Variants in SLIT3 observed in about 807,000 individuals in gnomAD.
The protein encoded by SLIT3 is slit homolog 3 protein.
A neutral mutation model predicts 184.0 loss-of-function variants in SLIT3; 68 were observed. The ratio of observed to expected loss-of-function variants is 0.37; its 90% CI spans 0.30 to 0.45. The LOEUF (loss-of-function observed/expected upper bound fraction) is 0.45, where lower values mean the gene tolerates loss of function less well. Ranked by LOEUF, SLIT3 falls within the 20% of genes least tolerant of loss-of-function variation. The pLI is 1.00. For missense variants in SLIT3, 1,707 were observed against 2,026.0 expected (o/e 0.84, Z 3.02); for synonymous variants, 831 against 828.6 (o/e 1.00, Z -0.05).
chr5:169,008,639 G>GTTTTTGTTGT (rs1467948052), intron 4 of SLIT3, among the ~76,000 whole-genome samples: 1 of 151,970 alleles, frequency 6.6e-6, no homozygotes, highest in African/African-American at 2.4e-5. Flanking sequence ...CTGTTTTGTT[G>GTTTTTGTTGT]TTGCTGCTGC....
chr5:168,963,813 G>T (rs1368904499), intron 4 of SLIT3, among the ~76,000 whole-genome samples: 4 of 152,096 alleles, frequency 2.6e-5, no homozygotes, highest in African/African-American at 9.7e-5. Flanking sequence ...CTCTTTTGTT[G>T]GCTTTATATA....
intron 4 of SLIT3, among the ~76,000 whole-genome samples, chr5:169,142,049 C>CA (rs1200908102): frequency 2.2e-4 from 23 of 106,652 alleles, no homozygotes; most frequent in South Asian, 2.1e-3. Flanking sequence ...GACTCCTACT[C>CA]AAAAAAAAAA....
intron 4 of SLIT3, among the ~76,000 whole-genome samples, chr5:168,918,759 A>G (rs1761529546): frequency 6.6e-6 from 1 of 152,202 alleles, no homozygotes; most frequent in Non-Finnish European, 1.5e-5. Context: ...TCAAGGTTAT[A>G]TGTGGATAAT....
chr5:169,104,148 A>G (rs1219693962), intron 4 of SLIT3, among the ~76,000 whole-genome samples: 3 of 152,182 alleles, frequency 2.0e-5, no homozygotes, highest in African/African-American at 7.2e-5. Flanking sequence ...TCCACCCCTC[A>G]AAGCTCAATT....
At chr5:168,720,521 C>T (rs1212007657) in intron 23 of SLIT3, 3 of 152,328 alleles carry the variant, frequency 2.0e-5, no homozygotes, top group Non-Finnish European at 4.4e-5. Flanking sequence ...GGCAGTGAAC[C>T]CACACACGGA....
At chr5:169,279,010 C>T (rs971013644) in intron 1 of SLIT3, among the ~76,000 whole-genome samples, 6 of 152,150 alleles carry the variant, frequency 3.9e-5, no homozygotes, top group African/African-American at 1.4e-4. Flanking sequence ...AGGAATGAGC[C>T]ATGAGGCTAG....
At chr5:168,750,741 T>C (rs1754664614) in intron 18 of SLIT3, among the ~76,000 whole-genome samples, 1 of 152,060 alleles carries the variant, frequency 6.6e-6, no homozygotes, top group Admixed American at 6.5e-5. Flanking sequence ...CATCACTCGT[T>C]CATTCGATTC....
intron 4 of SLIT3, among the ~76,000 whole-genome samples, chr5:169,087,578 T>C (rs1759361061): frequency 6.6e-6 from 1 of 152,210 alleles, no homozygotes. Flanking sequence ...AGCTAAGGCA[T>C]GCTGCAGCCA....
intron 20 of SLIT3, among the ~76,000 whole-genome samples, chr5:168,734,462 C>G (rs922844909): frequency 1.3e-5 from 2 of 152,162 alleles, no homozygotes; most frequent in African/African-American, 2.4e-5. Context: ...TCCCTCCTTG[C>G]CAGGTTAACT....
intron 4 of SLIT3, among the ~76,000 whole-genome samples, chr5:168,898,396 CTTTT>C (rs67374761): frequency 7.0e-6 from 1 of 141,896 alleles, no homozygotes. Flanking sequence ...TGGAGGGAGA[CTTTT>C]TTTTTTTTTT....
chr5:168,800,600 G>T lies in SLIT3; in HGVS notation c.936-5022C>A, dbSNP rs563562573. On this transcript the variant is annotated intron_variant, in intron 9 of 35. Transcript: ENST00000519560. ...AAAATTCTGTCTCAAAAAAAAGAAA[G>T]AAAGAAAGAAAGGTAAAGTGTATTA... 5.0e-3 allele frequency among the ~76,000 whole-genome samples: 761 copies of T among 152,200 alleles called. 3 individuals carry two copies. The highest frequency in any genetic ancestry group is 0.018 in the African/African-American group (736 of 41,526).
intron 23 of SLIT3, chr5:168,712,629 C>G: frequency 2.5e-6 from 1 of 401,566 alleles, no homozygotes; most frequent in East Asian, 4.2e-5. Context: ...CTCTCTTAGC[C>G]GTGGAATGCT....
chr5:168,984,716 T>C (rs944053779), intron 4 of SLIT3, among the ~76,000 whole-genome samples: 1 of 152,218 alleles, frequency 6.6e-6, no homozygotes, highest in African/African-American at 2.4e-5. Context: ...TTTCAGAATT[T>C]AGAGGCAAAC....
At chr5:169,187,229 T>G (rs914279144) in intron 4 of SLIT3, among the ~76,000 whole-genome samples, 6 of 147,854 alleles carry the variant, frequency 4.1e-5, no homozygotes, top group Non-Finnish European at 8.9e-5. Context: ...TTCTCCTGCC[T>G]CAGCCTCTGA....
intron 4 of SLIT3, among the ~76,000 whole-genome samples, chr5:169,117,853 C>T (rs1164353752): frequency 1.3e-5 from 2 of 152,198 alleles, no homozygotes; most frequent in Non-Finnish European, 2.9e-5. Flanking sequence ...TAGGTTCTCT[C>T]CTTGGCCCTT....
intron 4 of SLIT3, chr5:169,024,425 G>A (rs11951403): frequency 1.7e-4 from 26 of 152,292 alleles, no homozygotes; most frequent in African/African-American, 5.3e-4. Flanking sequence ...ACTTTTCCAC[G>A]GGGGAGAGAG....
chr5:168,966,250 AG>A (rs1410315332), intron 4 of SLIT3, among the ~76,000 whole-genome samples: 1 of 152,150 alleles, frequency 6.6e-6, no homozygotes, highest in African/African-American at 2.4e-5. Flanking sequence ...CCATGTATGT[AG>A]ATTTTTATAT....
chr5:169,161,394 T>C (rs887412682), intron 4 of SLIT3, among the ~76,000 whole-genome samples: 3 of 152,194 alleles, frequency 2.0e-5, no homozygotes, highest in African/African-American at 7.2e-5. Flanking sequence ...GGGCCGAGCC[T>C]CTGTACCCGC....
intron 5 of SLIT3, among the ~76,000 whole-genome samples, chr5:168,853,258 T>G (rs1421334458): frequency 6.6e-6 from 1 of 152,124 alleles, no homozygotes; most frequent in Non-Finnish European, 1.5e-5. Context: ...AAATACAAAT[T>G]GCTCCCTTAC....
Sources: gnomAD v4.1 joint callset for allele counts (sites outside exome capture counted in the v4.1 genomes callset) on GRCh38, gnomAD v4.1.1 for gene constraint, MANE v1.5 for transcripts, NCBI Gene and HGNC (gene_info 2026-07-23, HGNC 2026-07-21) for gene names.